ZNF385D: variants seen among roughly 807,000 people sequenced by gnomAD.
ZNF385D encodes the protein zinc finger protein 385D.
A neutral mutation model predicts 35.8 loss-of-function variants in ZNF385D; 15 were observed. The observed-to-expected ratio is 0.42, with a 90% confidence interval of 0.28 to 0.64. The LOEUF (loss-of-function observed/expected upper bound fraction) is 0.64. Ranked by LOEUF, ZNF385D falls within the 30% of genes least tolerant of loss-of-function variation. The pLI is 0.23. For synonymous variants in ZNF385D, 212 were observed against 186.8 expected (o/e 1.13, Z -1.10); for missense variants, 474 against 494.6 (o/e 0.96, Z 0.39).
At chr3:22,233,099 T>C (rs1438303061) in intron 2 of ZNF385D, among the ~76,000 whole-genome samples, 1 of 152,146 alleles carries the variant, frequency 6.6e-6, no homozygotes, top group African/African-American at 2.4e-5. Flanking sequence ...TTTAGTATAC[T>C]CCGTTTCTCT....
chr3:21,500,185 T>C lies in ZNF385D; in HGVS notation c.439+10676A>G, dbSNP rs143171140. Among the ~76,000 whole-genome samples, 394 of 152,344 alleles carry C rather than the reference T, an allele frequency of 2.6e-3. 2 individuals are homozygous for C. Among genetic ancestry groups the C allele is most frequent in the African/African-American group, 9.0e-3 (374 of 41,586 alleles). ...TGATTTGTATCACAAAGTAGTTAAA[T>C]GTAATAAAGTTCAATTAGTAAAACT... On this transcript the variant is annotated intron_variant, in intron 4 of 7. Transcript: ENST00000281523.
At position 22,123,973 on chromosome 3, in the gene ZNF385D, T is replaced by A. The variant is rs1346252490; in HGVS notation, c.325+44844A>T. On this transcript the variant is annotated intron_variant, in intron 3 of 5. Coordinates refer to the ZNF385D transcript ENST00000494108. ...CTCTCTCTCTCTCTCTATATATATA[T>A]ATATATATATATATATTGCTGACTG... Among the ~76,000 whole-genome samples the A allele has an allele frequency of 3.1e-5, 4 of 130,274 alleles. No individual in the cohort carries two copies. The East Asian group carries it at 9.9e-4, about 32-fold the overall frequency. The allele number at this position is 130,274 out of a possible 152,430, so 85.5% of individuals were successfully genotyped here.
intron 3 of ZNF385D, among the ~76,000 whole-genome samples, chr3:22,046,838 G>A (rs994850813): frequency 1.3e-5 from 2 of 152,008 alleles, no homozygotes; most frequent in East Asian, 3.9e-4. Flanking sequence ...TTTTATATTT[G>A]TAAAGTAAAT....
chr3:22,306,657 T>C (rs932365871), intron 2 of ZNF385D, among the ~76,000 whole-genome samples: 20 of 152,130 alleles, frequency 1.3e-4, no homozygotes, highest in African/African-American at 4.6e-4. Flanking sequence ...ATACTCGCTA[T>C]GTTTCTTCTT....
intron 4 of ZNF385D, among the ~76,000 whole-genome samples, chr3:21,439,134 T>A (rs1701729433): frequency 6.6e-6 from 1 of 151,982 alleles, no homozygotes; most frequent in African/African-American, 2.4e-5. Context: ...ATAATTTCAT[T>A]TTTTATTGTA....
intron 2 of ZNF385D, among the ~76,000 whole-genome samples, chr3:22,227,140 A>T (rs997497455): frequency 4.6e-5 from 7 of 151,288 alleles, no homozygotes; most frequent in Non-Finnish European, 7.4e-5. Flanking sequence ...TATATAACAT[A>T]ATATTTTGAT....
chr3:21,489,742 G>T (rs1705285869), intron 4 of ZNF385D, among the ~76,000 whole-genome samples: 1 of 152,108 alleles, frequency 6.6e-6, no homozygotes, highest in African/African-American at 2.4e-5. Flanking sequence ...GCTACAGGTT[G>T]CCCTTGATGG....
At chr3:21,437,924 A>G (rs1025833052) in intron 4 of ZNF385D, among the ~76,000 whole-genome samples, 2 of 152,160 alleles carry the variant, frequency 1.3e-5, no homozygotes, top group Non-Finnish European at 2.9e-5. Flanking sequence ...TCAGACATCA[A>G]TAGCCACTAT....
At chr3:22,348,209 T>C (rs1246613695) in intron 2 of ZNF385D, among the ~76,000 whole-genome samples, 1 of 152,130 alleles carries the variant, frequency 6.6e-6, no homozygotes. Context: ...AGCTGACTTA[T>C]GCACCCCTCC....
At chr3:22,298,502 A>T in intron 2 of ZNF385D, among the ~76,000 whole-genome samples, 1 of 146,118 alleles carries the variant, frequency 6.8e-6, no homozygotes, top group Non-Finnish European at 1.5e-5. Flanking sequence ...ATATATAAAT[A>T]TACATAAAAC....
At chr3:22,221,481 G>A (rs139128938) in intron 2 of ZNF385D, among the ~76,000 whole-genome samples, 9 of 152,054 alleles carry the variant, frequency 5.9e-5, no homozygotes, top group Non-Finnish European at 7.4e-5. Context: ...CAAGCATTGC[G>A]TTAGAGTGTT....
At chr3:22,205,866 A>C (rs575423528) in intron 2 of ZNF385D, among the ~76,000 whole-genome samples, 30 of 152,124 alleles carry the variant, frequency 2.0e-4, no homozygotes, top group African/African-American at 7.2e-4. Context: ...CAAAGCAACC[A>C]GAAAATAAAT....
intron 3 of ZNF385D, among the ~76,000 whole-genome samples, chr3:22,111,032 G>T (rs867560384): frequency 6.6e-6 from 1 of 151,778 alleles, no homozygotes; most frequent in African/African-American, 2.4e-5. Context: ...TAGTGTCATT[G>T]TTAAAGGCAA....
intron 3 of ZNF385D, among the ~76,000 whole-genome samples, chr3:21,988,050 T>C (rs1163872751): frequency 7.0e-6 from 1 of 142,178 alleles, no homozygotes; most frequent in African/African-American, 2.5e-5. Context: ...CTGTAGTGGT[T>C]ATTCTAGTTA....
chr3:22,366,085 G>A (rs1310805907), intron 2 of ZNF385D, among the ~76,000 whole-genome samples: 17 of 151,622 alleles, frequency 1.1e-4, no homozygotes, highest in Non-Finnish European at 2.4e-4. Context: ...CTTGTTTCAG[G>A]TTATATACAG....
At position 21,670,663 on chromosome 3, in the gene ZNF385D, CCCCCCCCCCCAA is replaced by C. The variant is rs1559505472; in HGVS notation, c.23-5647_23-5636del. Among the ~76,000 whole-genome samples the C allele has an allele frequency of 6.6e-4, 14 of 21,308 alleles. 1 individual carries two copies. The highest frequency in any genetic ancestry group is 1.7e-3 in the African/African-American group (13 of 7,680). The allele number at this position is 21,308 out of a possible 152,430, so 14.0% of individuals were successfully genotyped here. A position where few individuals can be genotyped will look rare whatever the true frequency, so the allele number is the denominator to read the frequency against. Reference sequence around the variant, plus strand: ...AAATCCTAAGGCGCCCCCCCCCCCCCCCCCCCCCCCAATGACTGAACGAATCCCCTTTGGCCA... The same window carrying C: ...AAATCCTAAGGCGCCCCCCCCCCCCCTGACTGAACGAATCCCCTTTGGCCA... On this transcript the variant is annotated intron_variant, in intron 1 of 7. Transcript: ENST00000281523.
intron 2 of ZNF385D, among the ~76,000 whole-genome samples, chr3:22,219,282 C>T (rs933951684): frequency 2.8e-4 from 42 of 151,930 alleles, no homozygotes; most frequent in Non-Finnish European, 8.8e-5. Flanking sequence ...TTTCATATTT[C>T]TACCTCAGAA....
intron 3 of ZNF385D, among the ~76,000 whole-genome samples, chr3:21,935,951 G>A (rs1701235741): frequency 6.6e-6 from 1 of 152,092 alleles, no homozygotes; most frequent in Non-Finnish European, 1.5e-5. Flanking sequence ...TGAGTTTGAG[G>A]TGTCCTAAGT....
chr3:21,452,032 G>A lies in ZNF385D; in HGVS notation c.440-14829C>T, dbSNP rs920090092. ...CAAATATTGCTAAGACTATGTGTAT[G>A]ACTAGAAAACTATATATTCAATTTT... On this transcript the variant is annotated intron_variant, in intron 4 of 7. Transcript: ENST00000281523. Among the ~76,000 whole-genome samples the A allele has an allele frequency of 4.6e-5, 7 of 152,114 alleles. No individual in the cohort carries two copies. In the South Asian group the frequency reaches 1.2e-3, roughly 27 times the overall value.
Sources: allele counts gnomAD v4.1 joint callset (sites outside exome capture counted in the v4.1 genomes callset), GRCh38; gene constraint gnomAD v4.1.1; transcripts MANE v1.5; gene names NCBI Gene and HGNC (gene_info 2026-07-23, HGNC 2026-07-21).